The following FAM227B variants were observed in gnomAD, a reference collection of about 807,000 sequenced individuals.
The protein encoded by FAM227B is family with sequence similarity 227 member B.
Under a neutral mutation model 73.8 loss-of-function variants are expected in FAM227B, and 88 were observed. The observed-to-expected ratio is 1.19, with a 90% CI of 1.00 to 1.42. The LOEUF (loss-of-function observed/expected upper bound fraction) is 1.42, where lower values mean the gene tolerates loss of function less well. Ranked by LOEUF, FAM227B falls within the 40% of genes most tolerant of loss-of-function variation. The probability of loss-of-function intolerance (pLI) is 0.00; values close to 1 mark genes in which losing one functional copy is unlikely to be tolerated. For synonymous variants in FAM227B, 210 were observed against 190.5 expected, an observed-to-expected ratio of 1.10 and a Z score of -0.84; for missense variants, 632 against 590.9, an observed-to-expected ratio of 1.07 and a Z score of -0.72.
At chr15:49,443,075 T>G (rs981959819) in intron 11 of FAM227B, among the ~76,000 whole-genome samples, 3 of 151,714 alleles carry the variant, frequency 2.0e-5, no homozygotes, top group Admixed American at 2.0e-4. Flanking sequence ...TATATGGGAT[T>G]AGTTATAAGT....
intron 9 of FAM227B, among the ~76,000 whole-genome samples, chr15:49,554,095 A>T (rs903063273): frequency 6.6e-6 from 1 of 152,118 alleles, no homozygotes; most frequent in Non-Finnish European, 1.5e-5. Context: ...TGTCATCTGG[A>T]AACTAGGGCC....
At chr15:49,556,055 T>C (rs2073638112) in intron 9 of FAM227B, among the ~76,000 whole-genome samples, 1 of 152,200 alleles carries the variant, frequency 6.6e-6, no homozygotes, top group South Asian at 2.1e-4. Flanking sequence ...TTTGACCTGC[T>C]CATCGAGTCT....
chr15:49,589,913 T>C lies in FAM227B; in HGVS notation c.200A>G (p.Tyr67Cys). The change falls in exon 4 of 16, where the codon TAT (tyrosine) becomes TGT (cysteine). Residue 67 changes from tyrosine to cysteine, a missense_variant. Coordinates refer to ENST00000299338, the MANE Select transcript of FAM227B (RefSeq NM_152647.3). ...AGGAACATTTTCCCATAGGTGTGTA[T>C]AAATTGAAACAAATGAACTATCTTC... is the stretch of plus-strand genomic sequence containing the variant. ...IKEDSSFVSI[Y>C]THLWENVPRI... The C allele has an allele frequency of 6.3e-7, 1 of 1,594,452 alleles. No homozygotes were observed. Among genetic ancestry groups the C allele is most frequent in the Non-Finnish European group, 8.6e-7 (1 of 1,162,164 alleles).
chr15:49,451,482 T>C (rs1232736466), intron 11 of FAM227B, among the ~76,000 whole-genome samples: 1 of 152,120 alleles, frequency 6.6e-6, no homozygotes, highest in Non-Finnish European at 1.5e-5. Context: ...TATATGTATA[T>C]ATAGATTATA....
chr15:49,536,385 T>C (rs1008638552), intron 10 of FAM227B, among the ~76,000 whole-genome samples: 24 of 151,878 alleles, frequency 1.6e-4, no homozygotes, highest in African/African-American at 5.1e-4. Flanking sequence ...GTCTGCAGAC[T>C]GAACACTGTA....
At chr15:49,406,938 C>T (rs1289962977) in intron 11 of FAM227B, among the ~76,000 whole-genome samples, 1 of 151,882 alleles carries the variant, frequency 6.6e-6, no homozygotes, top group Non-Finnish European at 1.5e-5. Context: ...CCAGAACACC[C>T]GAGGATGCCC....
chr15:49,342,100 C>T (rs550637230), intron 13 of FAM227B, among the ~76,000 whole-genome samples: 3 of 152,164 alleles, frequency 2.0e-5, no homozygotes, highest in South Asian at 2.1e-4. Flanking sequence ...GGTTCTGCCT[C>T]GATGATCTGC....
chr15:49,540,299 A>G (rs2070882229), intron 10 of FAM227B, among the ~76,000 whole-genome samples: 1 of 152,184 alleles, frequency 6.6e-6, no homozygotes, highest in Admixed American at 6.5e-5. Context: ...CCAGAGTGGT[A>G]CCTGCCTCAT....
At chr15:49,465,829 T>C (rs74012386) in intron 11 of FAM227B, among the ~76,000 whole-genome samples, 2,609 of 152,314 alleles carry the variant, frequency 0.017, 91 homozygotes, top group African/African-American at 0.06. Flanking sequence ...GAAAACTTGT[T>C]AATTCTTTAA....
intron 9 of FAM227B, among the ~76,000 whole-genome samples, chr15:49,555,119 G>C (rs941667928): frequency 6.6e-6 from 1 of 152,164 alleles, no homozygotes; most frequent in Admixed American, 6.5e-5. Context: ...TGCAGTCATT[G>C]TGTTTTTAGC....
intron 13 of FAM227B, among the ~76,000 whole-genome samples, chr15:49,359,372 A>T (rs201982824): frequency 9.7e-6 from 1 of 103,596 alleles, no homozygotes; most frequent in Non-Finnish European, 2.1e-5. Context: ...AATCTACAAT[A>T]AACTCAAACA....
At chr15:49,507,441 A>G (rs2058664626) in intron 11 of FAM227B, among the ~76,000 whole-genome samples, 1 of 152,122 alleles carries the variant, frequency 6.6e-6, no homozygotes, top group Admixed American at 6.6e-5. Context: ...ACATGAAATC[A>G]TCTGAGGCAC....
chr15:49,548,436 G>T (rs2072281884), intron 9 of FAM227B, among the ~76,000 whole-genome samples: 2 of 152,006 alleles, frequency 1.3e-5, no homozygotes, highest in Admixed American at 1.3e-4. Context: ...TCTTGTTGAG[G>T]ATTTTTGCAT....
At chr15:49,372,717 G>GA (rs35984486) in intron 11 of FAM227B, among the ~76,000 whole-genome samples, 1 of 152,078 alleles carries the variant, frequency 6.6e-6, no homozygotes, top group Non-Finnish European at 1.5e-5. Flanking sequence ...TAACATCTGA[G>GA]AAAAAAGGTG....
At chr15:49,425,619 T>G (rs1002344890) in intron 11 of FAM227B, 2 of 151,978 alleles carry the variant, frequency 1.3e-5, no homozygotes, top group Non-Finnish European at 2.9e-5. Context: ...GTGCCAGGCT[T>G]GCAGCAATTA....
intron 1 of FAM227B, among the ~76,000 whole-genome samples, chr15:49,618,740 G>T (rs1257408798): frequency 1.3e-5 from 2 of 152,146 alleles, no homozygotes. Context: ...GTCTGAAATT[G>T]GAAAATCAAG....
intron 11 of FAM227B, chr15:49,487,534 T>C (rs966626567): frequency 6.6e-6 from 1 of 151,938 alleles, no homozygotes; most frequent in Admixed American, 6.6e-5. Flanking sequence ...TTAGGGTTTC[T>C]ATCTCATAGA....
intron 11 of FAM227B, among the ~76,000 whole-genome samples, chr15:49,491,806 T>C (rs75627244): frequency 1.4e-4 from 21 of 152,032 alleles, no homozygotes; most frequent in Admixed American, 9.8e-4. Context: ...TTGACAATTC[T>C]ACCATGTTTG....
intron 11 of FAM227B, among the ~76,000 whole-genome samples, chr15:49,415,706 G>A (rs1436055030): frequency 2.0e-5 from 3 of 152,086 alleles, no homozygotes; most frequent in African/African-American, 7.2e-5. Context: ...CAAGAGTCAA[G>A]TAACTTTTGT....
Sources: allele counts gnomAD v4.1 joint callset (sites outside exome capture counted in the v4.1 genomes callset), GRCh38; gene constraint gnomAD v4.1.1; transcripts MANE v1.5; gene names NCBI Gene and HGNC (gene_info 2026-07-23, HGNC 2026-07-21).